The following CNTN6 variants were observed in gnomAD, a reference collection of about 807,000 sequenced individuals.
CNTN6 encodes the protein contactin-6.
A neutral mutation model predicts 122.8 loss-of-function variants in CNTN6; 137 were observed. The ratio of observed to expected loss-of-function variants is 1.12; its 90% confidence interval spans 0.97 to 1.29. The LOEUF is 1.29. Ranked by LOEUF, CNTN6 falls within the 50% of genes most tolerant of loss-of-function variation. The probability of loss-of-function intolerance (pLI) is 0.00; values close to 1 mark genes in which losing one functional copy is unlikely to be tolerated. For missense variants in CNTN6, 1,634 were observed against 1,223.4 expected, an observed-to-expected ratio of 1.34 and a Z score of -5.01; for synonymous variants, 570 against 426.0, an observed-to-expected ratio of 1.34 and a Z score of -4.16.
chr3:1,210,207 G>A (rs1233726668), intron 2 of CNTN6, among the ~76,000 whole-genome samples: 1 of 152,140 alleles, frequency 6.6e-6, no homozygotes, highest in Non-Finnish European at 1.5e-5. Flanking sequence ...TAGTTCTTAA[G>A]TAGGACACTT....
chr3:1,166,151 G>A (rs2093584776), intron 2 of CNTN6, among the ~76,000 whole-genome samples: 1 of 152,186 alleles, frequency 6.6e-6, no homozygotes, highest in African/African-American at 2.4e-5. Flanking sequence ...TCTAAGTACT[G>A]GCTAAACAAG....
At chr3:1,153,692 A>G (rs946895104) in intron 2 of CNTN6, among the ~76,000 whole-genome samples, 21 of 152,184 alleles carry the variant, frequency 1.4e-4, no homozygotes, top group African/African-American at 4.8e-4. Flanking sequence ...ATTTCACTCT[A>G]TTTCAAACAT....
chr3:1,292,662 T>C (rs578231655), intron 5 of CNTN6, among the ~76,000 whole-genome samples: 1 of 152,320 alleles, frequency 6.6e-6, no homozygotes, highest in African/African-American at 2.4e-5. Flanking sequence ...ATAAGAAATG[T>C]TATCCACCCT....
intron 6 of CNTN6, 93 bp from the exon 7 acceptor site, chr3:1,297,796 G>A (rs1273173741): frequency 9.4e-6 from 9 of 954,920 alleles, no homozygotes; most frequent in Non-Finnish European, 1.2e-5. Flanking sequence ...CTCTTATTAA[G>A]AAGAAATAAT....
At chr3:1,176,049 T>C (rs892363920) in intron 2 of CNTN6, among the ~76,000 whole-genome samples, 9 of 152,160 alleles carry the variant, frequency 5.9e-5, no homozygotes, top group African/African-American at 1.9e-4. Flanking sequence ...TCTGAGTTTA[T>C]TGTCCCTGTA....
chr3:1,142,122 T>G (rs1044551662), intron 1 of CNTN6, among the ~76,000 whole-genome samples: 6 of 152,038 alleles, frequency 3.9e-5, no homozygotes, highest in Admixed American at 3.9e-4. Flanking sequence ...CTTACACATT[T>G]ATTCCTGGTT....
chr3:1,327,374 C>T (rs1320799035), intron 9 of CNTN6, 83 bp from the exon 10 acceptor site: 3 of 1,371,554 alleles, frequency 2.2e-6, no homozygotes, highest in African/African-American at 1.5e-5. Flanking sequence ...TAGATATACA[C>T]AAATGTTGTT....
At chr3:1,272,537 A>T (rs1310385662) in intron 4 of CNTN6, among the ~76,000 whole-genome samples, 3 of 151,662 alleles carry the variant, frequency 2.0e-5, no homozygotes, top group Non-Finnish European at 4.4e-5. Context: ...ATGGGAAAAA[A>T]TATATATCAT....
At position 1,285,669 on chromosome 3, in the gene CNTN6, A is replaced by G. The variant is rs546051206; in HGVS notation, c.454+7161A>G. On this transcript the variant is annotated intron_variant, in intron 5 of 22. Coordinates refer to ENST00000446702, the MANE Select transcript of CNTN6 (RefSeq NM_001289080.2). ...AAATTGTTAGTGTTAGCTAACAACT[A>G]TAGTTAACTAAACTCAACTAACTAT... Among the ~76,000 whole-genome samples the G allele has an allele frequency of 6.6e-5, 10 of 152,332 alleles. No homozygotes were observed. In the South Asian group the frequency reaches 1.9e-3, roughly 28 times the overall value.
Position 1,385,736 on chromosome 3 carries a change from T to C in CNTN6, c.2643T>C (p.Ala881=). The C allele has an allele frequency of 6.2e-7, 1 of 1,614,096 alleles. No individual in the cohort carries two copies. The highest frequency in any genetic ancestry group is 8.5e-7 in the Non-Finnish European group (1 of 1,179,954). ...CCATCTACTTTGCTTCCGTAAGAGC[T>C]TACAACACTGCTGGGACAGGGCCCT... ...ANTIYFASVR[A]YNTAGTGPSS... The change falls in exon 20 of 23, where the codon GCT becomes GCC. Residue 881 remains alanine (A), a synonymous_variant. Coordinates refer to ENST00000446702, the MANE Select transcript of CNTN6 (RefSeq NM_001289080.2).
chr3:1,159,326 C>A (rs555063981), intron 2 of CNTN6, among the ~76,000 whole-genome samples: 1 of 151,838 alleles, frequency 6.6e-6, no homozygotes, highest in African/African-American at 2.4e-5. Flanking sequence ...GCATACACAG[C>A]GGGGGTGCAC....
intron 1 of CNTN6, among the ~76,000 whole-genome samples, chr3:1,096,324 CATT>C (rs1017076516): frequency 2.0e-5 from 3 of 151,918 alleles, no homozygotes; most frequent in African/African-American, 7.2e-5. Context: ...GTTCCATTTT[CATT>C]AACTTTTTTT....
intron 2 of CNTN6, among the ~76,000 whole-genome samples, chr3:1,166,443 A>G (rs1317489446): frequency 6.6e-6 from 1 of 152,216 alleles, no homozygotes; most frequent in Non-Finnish European, 1.5e-5. Flanking sequence ...AGCAAAAAAA[A>G]GGCACATCCT....
intron 4 of CNTN6, among the ~76,000 whole-genome samples, chr3:1,257,288 C>T (rs1293470569): frequency 6.6e-6 from 1 of 151,912 alleles, no homozygotes; most frequent in East Asian, 1.9e-4. Flanking sequence ...TGAAATGTTC[C>T]TATTTTTATT....
intron 1 of CNTN6, among the ~76,000 whole-genome samples, chr3:1,117,696 G>T (rs2091780836): frequency 6.6e-6 from 1 of 152,098 alleles, no homozygotes; most frequent in African/African-American, 2.4e-5. Context: ...AGGTTCCCCA[G>T]AACTTGCTAA....
At position 1,388,221 on chromosome 3, in the gene CNTN6, T is replaced by A. The variant is rs13068837; in HGVS notation, c.2704+2424T>A. On this transcript the variant is annotated intron_variant, in intron 20 of 22. Coordinates refer to ENST00000446702, the MANE Select transcript of CNTN6 (RefSeq NM_001289080.2). ...AGCATGCAGCTGGAGATCTGAGAAC[T>A]GGCACACTGCCTCCTCAAGTGGGTC... is the stretch of plus-strand genomic sequence containing the variant. 9.9e-4 allele frequency among the ~76,000 whole-genome samples: 143 copies of A among 145,142 alleles called. 2 individuals are homozygous for A. Among genetic ancestry groups the A allele is most frequent in the South Asian group, 6.9e-3 (31 of 4,524 alleles).
chr3:1,187,173 T>TAA (rs1360706998), intron 2 of CNTN6, among the ~76,000 whole-genome samples: 1 of 152,158 alleles, frequency 6.6e-6, no homozygotes, highest in Non-Finnish European at 1.5e-5. Flanking sequence ...ATTTTCCCCT[T>TAA]AAAGTGAAAA....
At chr3:1,255,524 T>G (rs1225437534) in intron 4 of CNTN6, among the ~76,000 whole-genome samples, 1 of 152,118 alleles carries the variant, frequency 6.6e-6, no homozygotes, top group Non-Finnish European at 1.5e-5. Flanking sequence ...GACCATATTA[T>G]GCTGGCATTA....
At chr3:1,182,049 A>G (rs1041910875) in intron 2 of CNTN6, among the ~76,000 whole-genome samples, 8 of 151,990 alleles carry the variant, frequency 5.3e-5, no homozygotes, top group African/African-American at 2.4e-5. Context: ...TGCTTTTCAA[A>G]GCTTTATTCT....
Sources: allele counts gnomAD v4.1 joint callset (sites outside exome capture counted in the v4.1 genomes callset), GRCh38; gene constraint gnomAD v4.1.1; transcripts MANE v1.5; gene names NCBI Gene and HGNC (gene_info 2026-07-23, HGNC 2026-07-21).